SPCS2: variants seen among roughly 807,000 people sequenced by gnomAD.
SPCS2 encodes the protein signal peptidase complex subunit 2.
A neutral mutation model predicts 22.3 loss-of-function variants in SPCS2; 3 were observed. That is an observed-to-expected ratio of 0.13 (90% CI 0.06 to 0.35). The LOEUF (loss-of-function observed/expected upper bound fraction) is 0.35, where lower values mean the gene tolerates loss of function less well. Ranked by LOEUF, SPCS2 falls within the 10% of genes least tolerant of loss-of-function variation. SPCS2 has a pLI of 1.00. For synonymous variants in SPCS2, 67 were observed against 97.2 expected (o/e 0.69, Z 1.83); for missense variants, 169 against 280.9 (o/e 0.60, Z 2.85).
In SPCS2 at chr11:74,956,967, A is replaced by G. The variant is rs116141854; in HGVS notation, c.114+7568A>G. Among the ~76,000 whole-genome samples, 385 of 152,256 alleles carry G rather than the reference A, an allele frequency of 2.5e-3. 2 individuals are homozygous for G. The highest frequency in any genetic ancestry group is 8.9e-3 in the African/African-American group (369 of 41,562). ...TTTATTCAACTCTGCTCAGATGTTAACTATTTTCCCTCACTATTTTTTAGT... is the reference window on the plus strand; with the variant it reads ...TTTATTCAACTCTGCTCAGATGTTAGCTATTTTCCCTCACTATTTTTTAGT... On this transcript the variant is annotated intron_variant, in intron 1 of 4. Coordinates refer to ENST00000263672, the MANE Select transcript of SPCS2 (RefSeq NM_014752.3).
At chr11:74,972,720 C>CT (rs1027143391) in intron 4 of SPCS2, among the ~76,000 whole-genome samples, 224 of 141,772 alleles carry the variant, frequency 1.6e-3, no homozygotes, top group South Asian at 4.0e-3. Flanking sequence ...ATTCCCTTCT[C>CT]TTTTTTTTTT....
At chr11:74,958,930 A>C (rs1228772764) in intron 1 of SPCS2, among the ~76,000 whole-genome samples, 1 of 152,090 alleles carries the variant, frequency 6.6e-6, no homozygotes, top group African/African-American at 2.4e-5. Context: ...TTAAAAAAAA[A>C]ACGTAAATTT....
chr11:74,965,396 T>C (rs937511978), intron 2 of SPCS2, among the ~76,000 whole-genome samples: 4 of 151,790 alleles, frequency 2.6e-5, no homozygotes, highest in South Asian at 4.1e-4. Context: ...AAAAGAAATA[T>C]AGATGTTGGC....
At position 74,978,031 on chromosome 11, in the gene SPCS2, T is replaced by G. The variant is rs183756049; in HGVS notation, c.*988T>G. On this transcript the variant is annotated 3_prime_UTR_variant, in exon 5 of 5. Transcript: ENST00000263672. ...CATGAGGAAACTGAGATACAAAAGT[T>G]AAATAATTGTCACACAGCTAGTGAT... 2.0e-5 allele frequency: 3 copies of G among 152,280 alleles called. No homozygotes were observed. The highest frequency in any genetic ancestry group is 2.0e-4 in the Admixed American group (3 of 15,312). 9.4% of individuals were successfully genotyped at this position (152,280 alleles called of 1,614,324 possible).
At chr11:74,965,635 G>A in intron 2 of SPCS2, 128 bp from the exon 3 acceptor site, 1 of 727,630 alleles carries the variant, frequency 1.4e-6, no homozygotes, top group Non-Finnish European at 2.2e-6. Context: ...TGTTTGGTGT[G>A]GTAAAATCCC....
chr11:74,968,499 G>T (rs902696422), intron 3 of SPCS2, among the ~76,000 whole-genome samples: 6 of 143,842 alleles, frequency 4.2e-5, no homozygotes, highest in South Asian at 2.2e-4. Context: ...TTTTTTTTTG[G>T]TTTTTGTGGG....
At position 74,949,373 on chromosome 11, in the gene SPCS2, A is replaced by C. The variant is rs767182875; in HGVS notation, c.88A>C (p.Ser30Arg). 6.4e-7 allele frequency: 1 copy of C among 1,551,450 alleles called. No homozygotes were observed. Among genetic ancestry groups the C allele is most frequent in the African/African-American group, 1.4e-5 (1 of 73,052 alleles). The change falls in exon 1 of 5, where the codon AGT becomes CGT. Residue 30 changes from serine (S) to arginine (R), a missense_variant. Physicochemically the swap from Ser to Arg is moderately radical, Grantham distance 110. Transcript: ENST00000263672. ...TGGTGCTTCCAACTGCGGGACAGGA[A>C]GTGGCCGTAGCGGCTTGTTGGATAA... ...AGGASNCGTG[S>R]GRSGLLDKWK...
At chr11:74,963,072 C>A (rs1948523238) in intron 1 of SPCS2, among the ~76,000 whole-genome samples, 1 of 152,210 alleles carries the variant, frequency 6.6e-6, no homozygotes, top group Non-Finnish European at 1.5e-5. Context: ...CTTTATTTCA[C>A]AAATAATTCA....
intron 1 of SPCS2, among the ~76,000 whole-genome samples, chr11:74,954,015 A>C (rs1288796678): frequency 6.6e-6 from 1 of 152,172 alleles, no homozygotes; most frequent in Non-Finnish European, 1.5e-5. Flanking sequence ...AAATTAACAG[A>C]TTTTTGGACC....
intron 4 of SPCS2, among the ~76,000 whole-genome samples, chr11:74,975,178 C>A (rs926821918): frequency 6.6e-6 from 1 of 152,054 alleles, no homozygotes; most frequent in Non-Finnish European, 1.5e-5. Context: ...TCACATTAGG[C>A]CCCTTTCTGT....
intron 1 of SPCS2, among the ~76,000 whole-genome samples, chr11:74,964,514 C>T (rs931707761): frequency 2.6e-5 from 4 of 152,138 alleles, no homozygotes; most frequent in Non-Finnish European, 1.5e-5. Context: ...AAGTTGTTAG[C>T]TGACAAAGTG....
At chr11:74,952,881 T>TA (rs1321509411) in intron 1 of SPCS2, among the ~76,000 whole-genome samples, 1 of 152,236 alleles carries the variant, frequency 6.6e-6, no homozygotes, top group Admixed American at 6.5e-5. Flanking sequence ...CTCTAGCACT[T>TA]ACACTGCACA....
At chr11:74,975,877 C>G (rs1948611122) in intron 4 of SPCS2, among the ~76,000 whole-genome samples, 1 of 152,172 alleles carries the variant, frequency 6.6e-6, no homozygotes, top group Admixed American at 6.5e-5. Context: ...GCTTGACAAT[C>G]CACTGAATAT....
At chr11:74,968,332 T>C (rs963942676) in intron 3 of SPCS2, 2 of 152,150 alleles carry the variant, frequency 1.3e-5, no homozygotes, top group Non-Finnish European at 2.9e-5. Context: ...ATTTTATTTT[T>C]ATTTTTTGAT....
intron 4 of SPCS2, among the ~76,000 whole-genome samples, chr11:74,974,422 C>G (rs1199801100): frequency 1.3e-5 from 2 of 152,204 alleles, no homozygotes; most frequent in Non-Finnish European, 2.9e-5. Flanking sequence ...GCCCTTCCCT[C>G]AGTTTTTCCC....
chr11:74,951,915 A>G lies in SPCS2; in HGVS notation c.114+2516A>G, dbSNP rs1307024844. ...GGAGAAAAGAAAGACATGCCAGGTAAAAAAGTCTCCTTGAGTAAAGTTACA... is the reference window on the plus strand; with the variant it reads ...GGAGAAAAGAAAGACATGCCAGGTAGAAAAGTCTCCTTGAGTAAAGTTACA... On this transcript the variant is annotated intron_variant, in intron 1 of 4. Transcript: ENST00000263672. 2.0e-5 allele frequency among the ~76,000 whole-genome samples: 3 copies of G among 151,988 alleles called. No homozygotes were observed. In the East Asian group the frequency reaches 5.8e-4, roughly 29 times the overall value.
At chr11:74,964,178 C>G (rs186977720) in intron 1 of SPCS2, among the ~76,000 whole-genome samples, 1 of 152,268 alleles carries the variant, frequency 6.6e-6, no homozygotes, top group East Asian at 1.9e-4. Flanking sequence ...AGTGAGTAGC[C>G]TTGTATTTCA....
chr11:74,955,230 A>G (rs1948470676), intron 1 of SPCS2, among the ~76,000 whole-genome samples: 1 of 152,252 alleles, frequency 6.6e-6, no homozygotes, highest in South Asian at 2.1e-4. Flanking sequence ...TCCTAGGTGT[A>G]TACCCAAGAG....
chr11:74,961,605 C>T (rs1437911289), intron 1 of SPCS2, among the ~76,000 whole-genome samples: 1 of 142,318 alleles, frequency 7.0e-6, no homozygotes, highest in Non-Finnish European at 1.6e-5. Flanking sequence ...GCAATGGCAC[C>T]ATCTCGGCTC....
Sources: gnomAD v4.1 joint callset for allele counts (sites outside exome capture counted in the v4.1 genomes callset) on GRCh38, gnomAD v4.1.1 for gene constraint, MANE v1.5 for transcripts, NCBI Gene and HGNC (gene_info 2026-07-23, HGNC 2026-07-21) for gene names.